The following DPYSL4 variants were observed in gnomAD, a reference collection of about 807,000 sequenced individuals.
DPYSL4 encodes the protein dihydropyrimidinase like 4, also known as dihydropyrimidinase-related protein 4.
DPYSL4 carries 43 observed loss-of-function variants against 63.4 expected under a neutral mutation model. The observed-to-expected ratio is 0.68, with a 90% CI of 0.53 to 0.88. The LOEUF is 0.88. Among genes scored for constraint, DPYSL4 ranks in the 40% least tolerant of loss-of-function variants. The pLI is 0.00. For missense variants in DPYSL4, 733 were observed against 819.5 expected, an observed-to-expected ratio of 0.89 and a Z score of 1.29; for synonymous variants, 353 against 331.7, an observed-to-expected ratio of 1.06 and a Z score of -0.70.
In DPYSL4 at chr10:132,186,994, T is replaced by TCCGGCCCCCCCCCCCCCCCCCCCCCCCC; in HGVS notation, c.-68_-67insGGCCCCCCCCCCCCCCCCCCCCCCCCCC. The TCCGGCCCCCCCCCCCCCCCCCCCCCCCC allele has an allele frequency of 2.3e-5, 5 of 217,368 alleles. No individual in the cohort carries two copies. Among genetic ancestry groups the TCCGGCCCCCCCCCCCCCCCCCCCCCCCC allele is most frequent in the South Asian group, 2.2e-4 (3 of 13,404 alleles). 13.5% of individuals were successfully genotyped at this position (217,368 alleles called of 1,614,324 possible). A position where few individuals can be genotyped will look rare whatever the true frequency, so the allele number is the denominator to read the frequency against. ...CCACGCACGCGTCCCGGCTCACGCG[T>TCCGGCCCCCCCCCCCCCCCCCCCCCCCC]CCCCCCGCCCGCCCGCCCGCCCGCC... On this transcript the variant is annotated 5_prime_UTR_variant, in exon 1 of 14. Coordinates refer to ENST00000338492, the MANE Select transcript of DPYSL4 (RefSeq NM_006426.3).
intron 3 of DPYSL4, among the ~76,000 whole-genome samples, chr10:132,193,226 G>A (rs879323302): frequency 6.6e-6 from 1 of 152,218 alleles, no homozygotes; most frequent in Non-Finnish European, 1.5e-5. Flanking sequence ...TGCCTCGGAA[G>A]CTTCATATCT....
At chr10:132,202,310 C>T (rs896984612) in intron 11 of DPYSL4, among the ~76,000 whole-genome samples, 194 bp downstream of exon 11, 2 of 152,260 alleles carry the variant, frequency 1.3e-5, no homozygotes, top group Non-Finnish European at 2.9e-5. Flanking sequence ...GCTGCGTGGC[C>T]GCTGCATCTG....
rs2062078905 is a variant in DPYSL4, at chr10:132,205,080, T to C, written c.*150T>C. Reference sequence around the variant, plus strand: ...CCTTCCCCCTCCCCACAGGCTCTCCTTGTGGGGTCCCAGGTCCTGCTGCCA... The same window carrying C: ...CCTTCCCCCTCCCCACAGGCTCTCCCTGTGGGGTCCCAGGTCCTGCTGCCA... On this transcript the variant is annotated 3_prime_UTR_variant, in exon 14 of 14. Coordinates refer to ENST00000338492, the MANE Select transcript of DPYSL4 (RefSeq NM_006426.3). 10 of 551,162 alleles carry C rather than the reference T, an allele frequency of 1.8e-5. No individual in the cohort carries two copies. In the South Asian group the frequency reaches 2.4e-4, roughly 13 times the overall value. The allele number at this position is 551,162 out of a possible 1,614,324, so 34.1% of individuals were successfully genotyped here.
chr10:132,198,649 C>T (rs941111499), intron 7 of DPYSL4, among the ~76,000 whole-genome samples, 166 bp downstream of exon 7: 4 of 152,160 alleles, frequency 2.6e-5, no homozygotes, highest in Non-Finnish European at 5.9e-5. Flanking sequence ...TGTCCTCCAT[C>T]CCCCCACAAC....
In DPYSL4 at chr10:132,202,682, C is replaced by T. The variant is rs753272402; in HGVS notation, c.1318C>T (p.Arg440Trp). 48 of 1,612,902 alleles carry T rather than the reference C, an allele frequency of 3.0e-5. 1 individual carries two copies. In the East Asian group the frequency reaches 3.3e-4, roughly 11 times the overall value. ...EYNIFEGVEC[R>W]GAPAVVISQG... The stretch of plus-strand genomic sequence containing the variant: ...CAACATCTTCGAGGGAGTGGAGTGC[C>T]GGGGAGCGCCTGCCGTGGTCATAAG... The change falls in exon 12 of 14, where the codon CGG becomes TGG. Residue 440 changes from arginine to tryptophan, a missense_variant. Transcript: ENST00000338492.
At position 132,192,763 on chromosome 10, in the gene DPYSL4, G is replaced by A; in HGVS notation, c.234G>A (p.Met78Ile). The A allele has an allele frequency of 6.2e-7, 1 of 1,613,354 alleles. No individual in the cohort carries two copies. The highest frequency in any genetic ancestry group is 8.5e-7 in the Non-Finnish European group (1 of 1,179,980). Residue 78 changes from methionine (M) to isoleucine (I), a missense_variant, in exon 3 of 14, where the codon ATG (methionine) becomes ATA (isoleucine). Coordinates refer to ENST00000338492, the MANE Select transcript of DPYSL4 (RefSeq NM_006426.3). Reference protein sequence around the residue: ...GGVDVHTRLQMPVLGMTPADD... With the variant: ...GGVDVHTRLQIPVLGMTPADD... Reference sequence around the variant, plus strand: ...TTGACGTCCACACAAGGCTGCAGATGCCTGTCCTGGGCATGACACCGGCTG... The same window carrying A: ...TTGACGTCCACACAAGGCTGCAGATACCTGTCCTGGGCATGACACCGGCTG...
chr10:132,198,210 C>T (rs1321492666), intron 6 of DPYSL4, among the ~76,000 whole-genome samples: 3 of 152,160 alleles, frequency 2.0e-5, no homozygotes, highest in Non-Finnish European at 2.9e-5. Flanking sequence ...TCCGAGCTGT[C>T]CCCTCCTTGG....
chr10:132,195,540 G>A (rs1199266997), intron 4 of DPYSL4, among the ~76,000 whole-genome samples: 1 of 152,190 alleles, frequency 6.6e-6, no homozygotes, highest in African/African-American at 2.4e-5. Flanking sequence ...CAGCCTGGAG[G>A]TGGGGGCGGG....
chr10:132,203,575 C>T (rs2062050775), intron 12 of DPYSL4, 187 bp from the exon 13 acceptor site: 13 of 590,620 alleles, frequency 2.2e-5, no homozygotes, highest in Non-Finnish European at 3.6e-5. Flanking sequence ...AGGAGGGAGG[C>T]GTGTGTGAAC....
Position 132,192,690 on chromosome 10 carries a change from G to A in DPYSL4, c.161G>A (p.Gly54Asp), listed in dbSNP as rs199963365. Residue 54 changes from glycine (G) to aspartate (D), a missense_variant, in exon 3 of 14, where the codon GGC becomes GAC. By Grantham distance (94) the Gly-to-Asp change is moderately conservative. Coordinates refer to ENST00000338492, the MANE Select transcript of DPYSL4 (RefSeq NM_006426.3). Reference sequence around the variant, plus strand: ...GGAGAAAACCTCATCGTCCCTGGGGGCATCAAGACCATTGACGCCCACGGC... The same window carrying A: ...GGAGAAAACCTCATCGTCCCTGGGGACATCAAGACCATTGACGCCCACGGC... ...QIGENLIVPGGIKTIDAHGLM... is the reference protein window; with the variant it reads ...QIGENLIVPGDIKTIDAHGLM... The A allele has an allele frequency of 1.9e-6, 3 of 1,612,246 alleles. No homozygotes were observed. The highest frequency in any genetic ancestry group is 2.7e-5 in the African/African-American group (2 of 74,980).
rs553217132 is a variant in DPYSL4, at chr10:132,191,322, A to C, written c.128+487A>C. On this transcript the variant is annotated intron_variant, in intron 2 of 13. Transcript: ENST00000338492. ...GTATGTTCCCACCTCTTGTGTACAC[A>C]CTGGCCACGTGGTATCCAGGCAGTT... Among the ~76,000 whole-genome samples, 48 of 110,362 alleles carry C rather than the reference A, an allele frequency of 4.3e-4. 1 individual carries two copies. Among genetic ancestry groups the C allele is most frequent in the Middle Eastern group, 6.4e-3 (1 of 156 alleles). The allele number at this position is 110,362 out of a possible 152,430, so 72.4% of individuals were successfully genotyped here.
chr10:132,203,102 G>T (rs79021976), intron 12 of DPYSL4, among the ~76,000 whole-genome samples: 1 of 152,236 alleles, frequency 6.6e-6, no homozygotes, highest in Non-Finnish European at 1.5e-5. Flanking sequence ...AGTCATCCAC[G>T]GTTGTTAGAG....
chr10:132,187,608 C>T (rs940715047), intron 1 of DPYSL4, among the ~76,000 whole-genome samples: 6 of 152,208 alleles, frequency 3.9e-5, no homozygotes, highest in Non-Finnish European at 7.4e-5. Context: ...ACTGGCGCTG[C>T]GTCGGGAGCT....
At chr10:132,194,712 G>T in intron 3 of DPYSL4, 133 bp from the exon 4 acceptor site, 3 of 1,112,596 alleles carry the variant, frequency 2.7e-6, no homozygotes, top group Non-Finnish European at 3.9e-6. Context: ...CTCAGGGGCC[G>T]GTGGCCTCTG....
At chr10:132,197,240 G>A in intron 6 of DPYSL4, 139 bp downstream of exon 6, 1 of 761,440 alleles carries the variant, frequency 1.3e-6, no homozygotes, top group Non-Finnish European at 2.0e-6. Flanking sequence ...AACCTTGAGG[G>A]AGGGTCATAG....
In DPYSL4 at chr10:132,202,824, G is replaced by C; in HGVS notation, c.1460G>C (p.Arg487Thr). Reference protein sequence around the residue: ...FVYKRIKARNRLAEIHGVPRG... With the variant: ...FVYKRIKARNTLAEIHGVPRG... ...TACAAGAGGATCAAAGCTCGCAACA[G>C]GGTAGGGCGGCACCCGCAAGGGTGT... The change falls in exon 12 of 14, where the codon AGG (arginine) becomes ACG (threonine). Residue 487 changes from arginine to threonine, a missense_variant and splice_region_variant. Transcript: ENST00000338492. The C allele has an allele frequency of 6.3e-7, 1 of 1,588,160 alleles. No individual in the cohort carries two copies.
At chr10:132,198,589 C>A in intron 7 of DPYSL4, 106 bp downstream of exon 7, 1 of 1,233,010 alleles carries the variant, frequency 8.1e-7, no homozygotes, top group Non-Finnish European at 1.1e-6. Flanking sequence ...TGCCACTGTG[C>A]TCGCCCCGAC....
At position 132,192,856 on chromosome 10, in the gene DPYSL4, TCTC is replaced by T. The variant is rs755548168; in HGVS notation, c.313+21_313+23del. On this transcript the variant is annotated intron_variant, in intron 3 of 13. Transcript: ENST00000338492. ...CCACCATGATCTGTGAGTGTCTGGG[TCTC>T]CTCCTCTACAGGGGGCAGCCAGCGT... 5.0e-6 allele frequency: 8 copies of T among 1,595,960 alleles called. No homozygotes were observed. Among genetic ancestry groups the T allele is most frequent in the Non-Finnish European group, 6.0e-6 (7 of 1,170,380 alleles).
intron 1 of DPYSL4, among the ~76,000 whole-genome samples, chr10:132,188,182 G>A (rs1309244370): frequency 6.6e-6 from 1 of 152,182 alleles, no homozygotes; most frequent in Non-Finnish European, 1.5e-5. Context: ...CTTCCCAGGG[G>A]AGGTCAGGCA....
Sources: allele counts gnomAD v4.1 joint callset (sites outside exome capture counted in the v4.1 genomes callset), GRCh38; gene constraint gnomAD v4.1.1; transcripts MANE v1.5; gene names NCBI Gene and HGNC (gene_info 2026-07-23, HGNC 2026-07-21).